PTPRT: variants seen among roughly 807,000 people sequenced by gnomAD.
PTPRT encodes receptor-type tyrosine-protein phosphatase T.
Under a neutral mutation model 176.8 loss-of-function variants are expected in PTPRT, and 56 were observed. That is an observed-to-expected ratio of 0.32 (90% CI 0.26 to 0.40). PTPRT has a LOEUF of 0.40. Among genes scored for constraint, PTPRT ranks in the 10% least tolerant of loss-of-function variants. PTPRT has a pLI of 1.00. For synonymous variants in PTPRT, 783 were observed against 739.0 expected (o/e 1.06, Z -0.96); for missense variants, 1,540 against 1,908.2 (o/e 0.81, Z 3.60).
intron 15 of PTPRT, among the ~76,000 whole-genome samples, chr20:42,213,125 A>G (rs960704357): frequency 1.3e-5 from 2 of 152,122 alleles, no homozygotes; most frequent in East Asian, 3.9e-4. Context: ...TCACCTGGGG[A>G]TGTATTAGCA....
intron 1 of PTPRT, among the ~76,000 whole-genome samples, chr20:43,019,002 TATATCAC>T (rs756920062): frequency 1.3e-5 from 2 of 152,176 alleles, no homozygotes; most frequent in Non-Finnish European, 2.9e-5. Flanking sequence ...CTGAAATACA[TATATCAC>T]ATGCACGTTT....
intron 7 of PTPRT, among the ~76,000 whole-genome samples, chr20:42,511,812 C>T (rs191264532): frequency 3.7e-4 from 56 of 152,026 alleles, no homozygotes; most frequent in Admixed American, 6.6e-4. Flanking sequence ...TTTGCAGACT[C>T]GCCTCCTGCT....
intron 8 of PTPRT, among the ~76,000 whole-genome samples, chr20:42,455,945 C>A (rs1001341777): frequency 6.6e-6 from 1 of 151,900 alleles, no homozygotes; most frequent in African/African-American, 2.4e-5. Flanking sequence ...CTAGCTTGTA[C>A]CTTTTCAAAA....
At chr20:43,174,130 A>G (rs77149185) in intron 1 of PTPRT, among the ~76,000 whole-genome samples, 6,487 of 152,282 alleles carry the variant, frequency 0.043, 191 homozygotes, top group Non-Finnish European at 0.066. Flanking sequence ...TTTTCTCCAT[A>G]AGTATGAATT....
chr20:42,789,727 T>C (rs935475971), intron 3 of PTPRT, among the ~76,000 whole-genome samples: 2 of 152,168 alleles, frequency 1.3e-5, no homozygotes. Flanking sequence ...TCACAAGCCA[T>C]TGAGGATAAA....
intron 7 of PTPRT, among the ~76,000 whole-genome samples, chr20:42,493,358 G>A (rs964963438): frequency 6.6e-6 from 1 of 152,052 alleles, no homozygotes. Context: ...AGGACTTTGA[G>A]GGGTTTTTTT....
At chr20:42,630,068 A>AT (rs762206592) in intron 7 of PTPRT, among the ~76,000 whole-genome samples, 5 of 152,110 alleles carry the variant, frequency 3.3e-5, no homozygotes, top group African/African-American at 4.8e-5. Flanking sequence ...ATTATTCTTC[A>AT]TTTTTTGGGT....
chr20:42,329,346 GAAC>G (rs1161764091), intron 11 of PTPRT, among the ~76,000 whole-genome samples: 1 of 152,068 alleles, frequency 6.6e-6, no homozygotes, highest in Admixed American at 6.6e-5. Context: ...AGAACATTTT[GAAC>G]AACAAGAAAT....
Position 42,448,258 on chromosome 20 carries a change from G to A in PTPRT, c.1522C>T (p.Pro508Ser), listed in dbSNP as rs779566022. 13 of 1,613,392 alleles carry A rather than the reference G, an allele frequency of 8.1e-6. No individual in the cohort carries two copies. The Admixed American group carries it at 8.3e-5, about 10-fold the overall frequency. Residue 508 changes from proline (P) to serine (S), a missense_variant, in exon 9 of 31, where the codon CCT becomes TCT. Physicochemically the swap from Pro to Ser is moderately conservative, Grantham distance 74. Transcript: ENST00000373187. ...FEEKIYIQWK[P>S]PNETNGVITL... ...ATGACCCCATTGGTCTCATTGGGAGGTTTCCACTGGATGTAGATCTTCTCC... is the reference window on the plus strand; with the variant it reads ...ATGACCCCATTGGTCTCATTGGGAGATTTCCACTGGATGTAGATCTTCTCC...
rs1338232151 is a variant in PTPRT at position 42,307,379 on chromosome 20, T to C, written c.2139+8344A>G. On this transcript the variant is annotated intron_variant, in intron 12 of 30. Coordinates refer to ENST00000373187, the MANE Select transcript of PTPRT (RefSeq NM_007050.6). Reference sequence around the variant, plus strand: ...CCTCTGCTGACCCATTTCAAATATATAGCAGAAGTGATCCAGTGAGATTTT... The same window carrying C: ...CCTCTGCTGACCCATTTCAAATATACAGCAGAAGTGATCCAGTGAGATTTT... Among the ~76,000 whole-genome samples the C allele has an allele frequency of 3.9e-5, 6 of 152,174 alleles. No individual in the cohort carries two copies. The East Asian group carries it at 1.2e-3, about 29-fold the overall frequency.
chr20:42,638,057 C>G (rs904799421), intron 7 of PTPRT, among the ~76,000 whole-genome samples: 1 of 152,088 alleles, frequency 6.6e-6, no homozygotes, highest in Non-Finnish European at 1.5e-5. Context: ...AGGGAGAAAT[C>G]AGTCACAGTA....
chr20:42,679,672 C>A (rs941543857), intron 6 of PTPRT, among the ~76,000 whole-genome samples: 1 of 152,012 alleles, frequency 6.6e-6, no homozygotes, highest in Admixed American at 6.6e-5. Context: ...AACACATAGA[C>A]CCAATGTAGA....
intron 7 of PTPRT, among the ~76,000 whole-genome samples, chr20:42,479,004 A>T (rs1169533172): frequency 3.3e-5 from 5 of 152,220 alleles, no homozygotes; most frequent in Admixed American, 3.3e-4. Context: ...TAGAGGGTTG[A>T]ATCAGGATCT....
chr20:42,759,835 G>A (rs540948900), intron 5 of PTPRT, among the ~76,000 whole-genome samples: 8 of 152,274 alleles, frequency 5.3e-5, no homozygotes, highest in South Asian at 4.1e-4. Flanking sequence ...CTGATTCCAC[G>A]AGTCAACTCA....
chr20:42,204,403 T>C (rs1421083570), intron 15 of PTPRT, among the ~76,000 whole-genome samples: 2 of 152,194 alleles, frequency 1.3e-5, no homozygotes, highest in Non-Finnish European at 2.9e-5. Flanking sequence ...CTTTCTGAAC[T>C]GAGGATTTTT....
chr20:43,184,459 C>T (rs747688674), intron 1 of PTPRT, among the ~76,000 whole-genome samples: 6 of 152,054 alleles, frequency 3.9e-5, no homozygotes, highest in Non-Finnish European at 7.4e-5. Context: ...GAGGTCGAGG[C>T]GGGAGGATCA....
At chr20:42,950,887 A>G (rs1400790421) in intron 1 of PTPRT, among the ~76,000 whole-genome samples, 1 of 152,248 alleles carries the variant, frequency 6.6e-6, no homozygotes, top group Non-Finnish European at 1.5e-5. Flanking sequence ...GTTATATTTT[A>G]GTATTTTAGA....
chr20:43,016,827 G>A (rs941866645), intron 1 of PTPRT, among the ~76,000 whole-genome samples: 2 of 151,700 alleles, frequency 1.3e-5, no homozygotes, highest in South Asian at 2.1e-4. Flanking sequence ...ATGAGCCACC[G>A]TGTCCAGCCC....
intron 7 of PTPRT, among the ~76,000 whole-genome samples, chr20:42,494,556 C>T (rs541081808): frequency 4.1e-4 from 62 of 152,212 alleles, no homozygotes; most frequent in Non-Finnish European, 7.1e-4. Context: ...TAAAAACTCC[C>T]GCCCCTCCCC....
Sources: allele counts gnomAD v4.1 joint callset (sites outside exome capture counted in the v4.1 genomes callset), GRCh38; gene constraint gnomAD v4.1.1; transcripts MANE v1.5; gene names NCBI Gene and HGNC (gene_info 2026-07-23, HGNC 2026-07-21).